Variants in PDE10A observed in about 807,000 individuals in gnomAD.
PDE10A encodes the protein phosphodiesterase 10A.
Under a neutral mutation model 97.7 loss-of-function variants are expected in PDE10A, and 39 were observed. The observed-to-expected ratio is 0.40, with a 90% CI of 0.31 to 0.52. PDE10A has a LOEUF of 0.52. PDE10A is among the 20% of genes least tolerant of loss of function. PDE10A has a pLI of 0.56. For missense variants in PDE10A, 731 were observed against 1,047.8 expected (o/e 0.70, Z 4.17); for synonymous variants, 371 against 376.8 (o/e 0.98, Z 0.18).
intron 1 of PDE10A, among the ~76,000 whole-genome samples, chr6:165,980,354 T>A (rs1421298717): frequency 6.6e-6 from 1 of 151,964 alleles, no homozygotes; most frequent in Admixed American, 6.6e-5. Flanking sequence ...CATATACATG[T>A]ATACATGTGT....
chr6:165,794,802 G>A (rs1280814461), intron 1 of PDE10A, among the ~76,000 whole-genome samples: 2 of 152,158 alleles, frequency 1.3e-5, no homozygotes, highest in African/African-American at 2.4e-5. Context: ...TTAAGTGAAG[G>A]GATGACTTTA....
At chr6:165,443,744 A>ACT (rs896733466) in intron 5 of PDE10A, among the ~76,000 whole-genome samples, 6 of 151,952 alleles carry the variant, frequency 3.9e-5, no homozygotes, top group Admixed American at 1.3e-4. Context: ...AGGCTCCCAC[A>ACT]CTCTTGCCTT....
At chr6:165,855,439 G>A (rs1425794471) in intron 1 of PDE10A, among the ~76,000 whole-genome samples, 2 of 151,660 alleles carry the variant, frequency 1.3e-5, no homozygotes, top group Non-Finnish European at 2.9e-5. Context: ...CAGGGTGGAC[G>A]TGAGTCTGCC....
At chr6:165,987,167 G>A (rs963359846) in intron 1 of PDE10A, among the ~76,000 whole-genome samples, 8 of 152,166 alleles carry the variant, frequency 5.3e-5, no homozygotes, top group African/African-American at 1.9e-4. Flanking sequence ...TGCAGCTGGC[G>A]CGCAGCCCTC....
intron 1 of PDE10A, among the ~76,000 whole-genome samples, chr6:165,727,020 C>T (rs1277685507): frequency 2.0e-5 from 3 of 148,272 alleles, no homozygotes; most frequent in Non-Finnish European, 3.1e-5. Flanking sequence ...GGGGGGTTCC[C>T]CTGGGACCGA....
intron 19 of PDE10A, among the ~76,000 whole-genome samples, chr6:165,341,059 A>G (rs1186716468): frequency 6.6e-6 from 1 of 152,258 alleles, no homozygotes; most frequent in African/African-American, 2.4e-5. Context: ...CAAGGAATTC[A>G]GTTAGAAAGT....
intron 1 of PDE10A, among the ~76,000 whole-genome samples, chr6:165,550,380 T>C (rs889417665): frequency 3.3e-5 from 5 of 152,154 alleles, no homozygotes; most frequent in African/African-American, 1.2e-4. Context: ...ATACAAACAA[T>C]AAGTAAAATC....
At chr6:165,643,063 T>A (rs1789216683) in intron 1 of PDE10A, among the ~76,000 whole-genome samples, 1 of 152,222 alleles carries the variant, frequency 6.6e-6, no homozygotes, top group African/African-American at 2.4e-5. Context: ...AGACCTAATT[T>A]CTGTCTGAAA....
intron 13 of PDE10A, among the ~76,000 whole-genome samples, chr6:165,407,643 A>G (rs1787312155): frequency 6.6e-6 from 1 of 152,220 alleles, no homozygotes; most frequent in South Asian, 2.1e-4. Context: ...TAACCAACTA[A>G]TTTCATTTTA....
At position 165,943,346 on chromosome 6, in the gene PDE10A, G is replaced by GAAAGAAAGAAAGAAAGAAAGAA. The variant is rs369730730; in HGVS notation, c.-615+44182_-615+44183insTTCTTTCTTTCTTTCTTTCTTT. Among the ~76,000 whole-genome samples, 156 of 79,564 alleles carry GAAAGAAAGAAAGAAAGAAAGAA rather than the reference G, an allele frequency of 2.0e-3. 12 individuals carry two copies. Among genetic ancestry groups the GAAAGAAAGAAAGAAAGAAAGAA allele is most frequent in the African/African-American group, 6.6e-3 (120 of 18,152 alleles). The allele number at this position is 79,564 out of a possible 152,430, so 52.2% of individuals were successfully genotyped here. A position where few individuals can be genotyped will look rare whatever the true frequency, so the allele number is the denominator to read the frequency against. ...AAGAAAGAAAAAGAAAGAAAGAAAA[G>GAAAGAAAGAAAGAAAGAAAGAA]AGAAAGAAAGAAAGAGAAAGAAAGA... On this transcript the variant is annotated intron_variant, in intron 1 of 19. Transcript: ENST00000366882.
chr6:165,645,432 T>A (rs1789344871), intron 1 of PDE10A, among the ~76,000 whole-genome samples: 1 of 152,182 alleles, frequency 6.6e-6, no homozygotes, highest in African/African-American at 2.4e-5. Context: ...GACGTCTTTC[T>A]TCAAGGGAAA....
chr6:165,602,136 T>C (rs1562620315), intron 1 of PDE10A, among the ~76,000 whole-genome samples: 1 of 152,144 alleles, frequency 6.6e-6, no homozygotes. Flanking sequence ...GCTTGGACAG[T>C]GGCAGCAGAA....
chr6:165,384,910 A>G (rs1007372371), intron 17 of PDE10A, among the ~76,000 whole-genome samples: 3 of 152,074 alleles, frequency 2.0e-5, no homozygotes, highest in African/African-American at 7.2e-5. Context: ...CATACACAAA[A>G]TTGCTTACGT....
At chr6:165,659,391 G>A (rs531982480) in intron 1 of PDE10A, among the ~76,000 whole-genome samples, 3 of 152,118 alleles carry the variant, frequency 2.0e-5, no homozygotes, top group East Asian at 3.9e-4. Flanking sequence ...TTTTTTAAAC[G>A]ATACATATCA....
At chr6:165,400,975 T>C (rs1786616339) in intron 13 of PDE10A, among the ~76,000 whole-genome samples, 1 of 152,168 alleles carries the variant, frequency 6.6e-6, no homozygotes, top group Admixed American at 6.5e-5. Context: ...TATAATTCCC[T>C]TTATACAAAA....
intron 13 of PDE10A, among the ~76,000 whole-genome samples, chr6:165,412,563 C>A (rs867694055): frequency 7.2e-4 from 110 of 152,226 alleles, no homozygotes; most frequent in Middle Eastern, 3.4e-3. Flanking sequence ...AACTGTCCCC[C>A]AAAAGGGCAC....
At chr6:165,656,292 ACAC>A (rs1326892993) in intron 1 of PDE10A, among the ~76,000 whole-genome samples, 34 of 116,534 alleles carry the variant, frequency 2.9e-4, no homozygotes, top group African/African-American at 8.3e-4. Context: ...ACACACACAC[ACAC>A]ACCTTTCCAA....
At chr6:165,723,326 A>G (rs1792211316) in intron 1 of PDE10A, among the ~76,000 whole-genome samples, 1 of 152,164 alleles carries the variant, frequency 6.6e-6, no homozygotes, top group South Asian at 2.1e-4. Flanking sequence ...AGTTCCCTCT[A>G]TGCTTCCTCA....
chr6:165,650,692 T>G (rs1315689792), intron 1 of PDE10A, among the ~76,000 whole-genome samples: 1 of 152,212 alleles, frequency 6.6e-6, no homozygotes, highest in African/African-American at 2.4e-5. Flanking sequence ...TAAGTCACTT[T>G]GCCTATGTGT....
Sources: gnomAD v4.1 joint callset for allele counts (sites outside exome capture counted in the v4.1 genomes callset) on GRCh38, gnomAD v4.1.1 for gene constraint, MANE v1.5 for transcripts, NCBI Gene and HGNC (gene_info 2026-07-23, HGNC 2026-07-21) for gene names.